The following TENM4 variants were observed in gnomAD, a reference collection of about 807,000 sequenced individuals.
TENM4 encodes the protein teneurin-4.
A neutral mutation model predicts 243.3 loss-of-function variants in TENM4; 82 were observed. The ratio of observed to expected loss-of-function variants is 0.34; its 90% CI spans 0.28 to 0.40. The LOEUF is 0.40. Among genes scored for constraint, TENM4 ranks in the 10% least tolerant of loss-of-function variants. TENM4 has a pLI of 1.00. For synonymous variants in TENM4, 1,412 were observed against 1,456.3 expected (o/e 0.97, Z 0.69); for missense variants, 3,138 against 3,673.3 (o/e 0.85, Z 3.77).
intron 6 of TENM4, among the ~76,000 whole-genome samples, chr11:79,060,263 C>T (rs565993822): frequency 2.0e-5 from 3 of 152,224 alleles, no homozygotes; most frequent in Admixed American, 6.5e-5. Flanking sequence ...TGCCTGAAGG[C>T]CCCGAGTAGG....
At chr11:78,779,222 T>C (rs1856796981) in intron 16 of TENM4, among the ~76,000 whole-genome samples, 1 of 152,266 alleles carries the variant, frequency 6.6e-6, no homozygotes, top group African/African-American at 2.4e-5. Flanking sequence ...CATGTACACA[T>C]GTGCCCACAT....
In TENM4 at chr11:78,688,156, T is replaced by C. The variant is rs2135722993; in HGVS notation, c.5158A>G (p.Thr1720Ala). Residue 1720 changes from threonine (T) to alanine (A), a missense_variant, in exon 29 of 34, where the codon ACA becomes GCA. Thr to Ala is a moderately conservative substitution (Grantham distance 58). Around this residue, in one of 2 missense-constraint regions of TENM4, gnomAD observed 2,467 missense variants for 3,059.1 expected, o/e 0.81. Coordinates refer to ENST00000278550, the MANE Select transcript of TENM4 (RefSeq NM_001098816.3). ...ACCTGGACATGCACTGAACTGTCTG[T>C]ATCACTTCGGAAACTGCTCACCTGG... is the stretch of plus-strand genomic sequence containing the variant. Reference protein sequence around the residue: ...TGQVSSFRSDTDSSVHVQVET... With the variant: ...TGQVSSFRSDADSSVHVQVET... 1.2e-6 allele frequency: 2 copies of C among 1,613,936 alleles called. No homozygotes were observed. Among genetic ancestry groups the C allele is most frequent in the Non-Finnish European group, 1.7e-6 (2 of 1,179,852 alleles).
Position 79,023,444 on chromosome 11 carries a change from C to T in TENM4, c.493+41294G>A, listed in dbSNP as rs556950120. ...GGGCGCAGTGGTGTGCACCTGTAATCCCAACTACTCAGGAGGCTGAGGCAG... is the reference window on the plus strand; with the variant it reads ...GGGCGCAGTGGTGTGCACCTGTAATTCCAACTACTCAGGAGGCTGAGGCAG... On this transcript the variant is annotated intron_variant, in intron 6 of 33. Transcript: ENST00000278550. Among the ~76,000 whole-genome samples the T allele has an allele frequency of 3.0e-3, 453 of 151,974 alleles. 3 individuals are homozygous for T. Among genetic ancestry groups the T allele is most frequent in the African/African-American group, 0.01 (429 of 41,426 alleles).
intron 6 of TENM4, among the ~76,000 whole-genome samples, chr11:78,921,850 TAC>T (rs1311977772): frequency 2.0e-5 from 3 of 152,066 alleles, no homozygotes; most frequent in Admixed American, 6.6e-5. Context: ...GCCTTCAGAG[TAC>T]AGAGGCAAGT....
chr11:79,309,957 G>A (rs1484628459), intron 1 of TENM4, among the ~76,000 whole-genome samples: 1 of 152,188 alleles, frequency 6.6e-6, no homozygotes, highest in Non-Finnish European at 1.5e-5. Context: ...GCCTGTGGGA[G>A]CCTGTCCTGA....
At chr11:78,928,538 A>G (rs1856601845) in intron 6 of TENM4, among the ~76,000 whole-genome samples, 1 of 152,236 alleles carries the variant, frequency 6.6e-6, no homozygotes, top group Non-Finnish European at 1.5e-5. Flanking sequence ...AACTCACTAT[A>G]TAATTAAAAA....
At chr11:78,732,264 C>G (rs1205234869) in intron 21 of TENM4, 52 bp downstream of exon 21, 1 of 1,541,974 alleles carries the variant, frequency 6.5e-7, no homozygotes, top group Non-Finnish European at 8.7e-7. Flanking sequence ...TCCTCCTCCA[C>G]CCCCAAAATG....
chr11:79,120,279 C>G (rs1458174892), intron 4 of TENM4, among the ~76,000 whole-genome samples: 9 of 152,224 alleles, frequency 5.9e-5, no homozygotes, highest in Admixed American at 5.9e-4. Flanking sequence ...CTGAGGCTTT[C>G]TCTGCAAATG....
intron 4 of TENM4, among the ~76,000 whole-genome samples, chr11:79,130,476 G>GAA (rs55946704): frequency 0.2 from 30,244 of 149,604 alleles, 3,183 homozygotes; most frequent in East Asian, 0.32. Context: ...CAATGCAAAG[G>GAA]AAAAAAAAAA....
intron 9 of TENM4, among the ~76,000 whole-genome samples, chr11:78,882,463 C>T (rs149206663): frequency 0.01 from 1,589 of 152,308 alleles, 14 homozygotes; most frequent in South Asian, 0.018. Context: ...AGCACAGGTA[C>T]CTTGTGCCAG....
chr11:79,152,066 G>A (rs1862521842), intron 3 of TENM4, among the ~76,000 whole-genome samples: 1 of 152,210 alleles, frequency 6.6e-6, no homozygotes, highest in Middle Eastern at 3.4e-3. Flanking sequence ...AAGAGTACGT[G>A]CTAAATAAAC....
In TENM4 at chr11:79,240,556, C is replaced by A. The variant is rs567340853; in HGVS notation, c.-264-24647G>T. On this transcript the variant is annotated intron_variant, in intron 2 of 33. Transcript: ENST00000278550. Reference sequence around the variant, plus strand: ...AAGTAACTCATCCAAGGTCACACAACTAATAAATGGTAAACTGGTTTACCA... The same window carrying A: ...AAGTAACTCATCCAAGGTCACACAAATAATAAATGGTAAACTGGTTTACCA... Among the ~76,000 whole-genome samples the A allele has an allele frequency of 3.9e-5, 6 of 152,266 alleles. No homozygotes were observed. The South Asian group carries it at 1.2e-3, about 32-fold the overall frequency.
chr11:79,081,516 G>A (rs1262830973), intron 4 of TENM4, among the ~76,000 whole-genome samples: 1 of 137,108 alleles, frequency 7.3e-6, no homozygotes, highest in East Asian at 2.2e-4. Context: ...TACCCAGGCT[G>A]TCCTTCCTGT....
intron 4 of TENM4, among the ~76,000 whole-genome samples, chr11:79,079,583 A>G (rs913659734): frequency 1.3e-5 from 2 of 152,144 alleles, no homozygotes; most frequent in African/African-American, 4.8e-5. Context: ...TAATCCCAGC[A>G]CTTTGGGAGG....
At chr11:78,849,309 A>G (rs1005136123) in intron 12 of TENM4, among the ~76,000 whole-genome samples, 6 of 152,226 alleles carry the variant, frequency 3.9e-5, no homozygotes, top group African/African-American at 1.4e-4. Context: ...TTGATGTAAT[A>G]TGGTTATTAA....
Position 79,292,754 on chromosome 11 carries a change from C to A in TENM4, c.-265+4734G>T, listed in dbSNP as rs139762644. Among the ~76,000 whole-genome samples, 1,246 of 152,316 alleles carry A rather than the reference C, an allele frequency of 8.2e-3. 16 individuals are homozygous for A. Among genetic ancestry groups the A allele is most frequent in the African/African-American group, 0.028 (1,159 of 41,552 alleles). ...GCTCAGCCACTTACCAGCTATGCAA[C>A]CTGGGAAAGTTATTCAAAACTCTTT... On this transcript the variant is annotated intron_variant, in intron 2 of 33. Transcript: ENST00000278550.
chr11:79,275,175 G>C (rs1468970315), intron 2 of TENM4, among the ~76,000 whole-genome samples: 1 of 151,974 alleles, frequency 6.6e-6, no homozygotes, highest in Non-Finnish European at 1.5e-5. Flanking sequence ...TCTATTCATG[G>C]GAATAAACAA....
chr11:79,299,836 T>C (rs1856521987), intron 1 of TENM4, among the ~76,000 whole-genome samples: 1 of 152,240 alleles, frequency 6.6e-6, no homozygotes, highest in Non-Finnish European at 1.5e-5. Flanking sequence ...CCATTTCCTG[T>C]CATCTGGTTT....
At chr11:79,268,466 C>A (rs528745385) in intron 2 of TENM4, among the ~76,000 whole-genome samples, 2 of 152,272 alleles carry the variant, frequency 1.3e-5, no homozygotes, top group Non-Finnish European at 2.9e-5. Flanking sequence ...TATATCAAAA[C>A]ATGAGAGTTT....
Sources: gnomAD v4.1 joint callset for allele counts (sites outside exome capture counted in the v4.1 genomes callset) on GRCh38, gnomAD v4.1.1 for gene constraint, gnomAD v4.1.1 regional missense constraint, MANE v1.5 for transcripts, NCBI Gene and HGNC (gene_info 2026-07-23, HGNC 2026-07-21) for gene names.